Variants in GALNT9 observed in about 807,000 individuals in gnomAD.
GALNT9 encodes the protein polypeptide N-acetylgalactosaminyltransferase 9.
Under a neutral mutation model 63.1 loss-of-function variants are expected in GALNT9, and 47 were observed. The ratio of observed to expected loss-of-function variants is 0.75; its 90% CI spans 0.59 to 0.95. The LOEUF is 0.95. GALNT9 is among the 40% of genes least tolerant of loss of function. The pLI is 0.00. For synonymous variants in GALNT9, 396 were observed against 365.7 expected (o/e 1.08, Z -0.94); for missense variants, 829 against 874.8 (o/e 0.95, Z 0.66).
In GALNT9 at chr12:132,304,215, G is replaced by A. The variant is rs1377757709; in HGVS notation, c.239-17785C>T. 3.1e-4 allele frequency among the ~76,000 whole-genome samples: 11 copies of A among 35,952 alleles called. 4 individuals are homozygous for A. 23.6% of individuals were successfully genotyped at this position (35,952 alleles called of 152,430 possible). A position where few individuals can be genotyped will look rare whatever the true frequency, so the allele number is the denominator to read the frequency against. ...CCCTCACCCAGACACGCCCTCACCT[G>A]GGCACATCCTCACCGGGGCACACCC... On this transcript the variant is annotated intron_variant, in intron 1 of 10. Coordinates refer to ENST00000328957, the MANE Select transcript of GALNT9 (RefSeq NM_001122636.2).
intron 1 of GALNT9, among the ~76,000 whole-genome samples, chr12:132,322,934 C>T (rs1486102924): frequency 6.6e-6 from 1 of 152,206 alleles, no homozygotes; most frequent in Non-Finnish European, 1.5e-5. Flanking sequence ...CTGGCCGTCC[C>T]GTACGGGAAA....
intron 6 of GALNT9, among the ~76,000 whole-genome samples, chr12:132,235,353 T>G (rs1202170952): frequency 3.9e-5 from 6 of 152,012 alleles, no homozygotes; most frequent in Non-Finnish European, 7.4e-5. Context: ...TCAGGCAGCT[T>G]CCAAACAAAC....
rs144505095 is a variant in GALNT9 at position 132,204,215 on chromosome 12, C to T, written c.1078-525G>A. On this transcript the variant is annotated intron_variant, in intron 6 of 10. Coordinates refer to ENST00000328957, the MANE Select transcript of GALNT9 (RefSeq NM_001122636.2). ...GCCCCTGGCTTTCTGAACCCCCACG[C>T]GCAGCAGAAACGTGTTTGTCACTGC... Among the ~76,000 whole-genome samples, 161 of 152,348 alleles carry T rather than the reference C, an allele frequency of 1.1e-3. 1 individual carries two copies. The highest frequency in any genetic ancestry group is 3.2e-3 in the African/African-American group (135 of 41,580).
At chr12:132,288,660 G>A (rs569796906) in intron 1 of GALNT9, among the ~76,000 whole-genome samples, 168 of 147,442 alleles carry the variant, frequency 1.1e-3, no homozygotes, top group African/African-American at 3.9e-3. Context: ...GCGTGGTTCC[G>A]GACGGCTGCC....
At chr12:132,305,683 ACCTGGGTACATCCTCG>A (rs1352001735) in intron 1 of GALNT9, among the ~76,000 whole-genome samples, 2 of 150,984 alleles carry the variant, frequency 1.3e-5, no homozygotes, top group Non-Finnish European at 3.0e-5. Context: ...ACACACCCTC[ACCTGGGTACATCCTCG>A]CCTGGGCACA....
At chr12:132,272,256 C>A (rs1879898131) in intron 2 of GALNT9, among the ~76,000 whole-genome samples, 1 of 152,204 alleles carries the variant, frequency 6.6e-6, no homozygotes, top group African/African-American at 2.4e-5. Flanking sequence ...AGGGAAGCAC[C>A]CCCTCAACGG....
At chr12:132,215,936 C>T (rs2135516841) in intron 6 of GALNT9, among the ~76,000 whole-genome samples, 1 of 152,268 alleles carries the variant, frequency 6.6e-6, no homozygotes, top group South Asian at 2.1e-4. Context: ...GTCCCCCTCC[C>T]CAATCCCCTG....
chr12:132,216,053 TAGACAGAGAC>T (rs1301162224), intron 6 of GALNT9, among the ~76,000 whole-genome samples: 2 of 151,648 alleles, frequency 1.3e-5, no homozygotes, highest in Non-Finnish European at 2.9e-5. Flanking sequence ...CATCTAATGA[TAGACAGAGAC>T]ATAGAGAGAC....
chr12:132,243,623 C>T (rs1469894598), intron 6 of GALNT9, among the ~76,000 whole-genome samples: 1 of 152,220 alleles, frequency 6.6e-6, no homozygotes, highest in East Asian at 1.9e-4. Flanking sequence ...CTGTCATCCC[C>T]TCAAACTGCT....
chr12:132,266,623 G>A (rs949059352), intron 2 of GALNT9, among the ~76,000 whole-genome samples: 3 of 152,246 alleles, frequency 2.0e-5, no homozygotes, highest in Admixed American at 6.5e-5. Context: ...CTCTGGAGGG[G>A]CACAGCTCTG....
intron 1 of GALNT9, among the ~76,000 whole-genome samples, chr12:132,309,647 A>G (rs28622244): frequency 0.79 from 120,120 of 152,166 alleles, 47,620 homozygotes; most frequent in East Asian, 1. Context: ...TCCCCTGAGC[A>G]GGACAGGCCT....
intron 1 of GALNT9, among the ~76,000 whole-genome samples, chr12:132,303,121 G>A (rs142575506): frequency 7.2e-5 from 11 of 152,110 alleles, no homozygotes; most frequent in East Asian, 3.9e-4. Flanking sequence ...AGGACTAGCC[G>A]TCCCCATGCA....
chr12:132,326,468 C>G (rs36096440), intron 1 of GALNT9, among the ~76,000 whole-genome samples: 31,467 of 152,024 alleles, frequency 0.21, 3,352 homozygotes, highest in East Asian at 0.26. Flanking sequence ...TTGCCAAGGT[C>G]AATGGATATC....
chr12:132,212,158 A>ACCCGGGTCTGCAGCCCTCAGACCT (rs1717578437), intron 6 of GALNT9, among the ~76,000 whole-genome samples: 9 of 106,352 alleles, frequency 8.5e-5, no homozygotes, highest in Admixed American at 9.3e-5. Context: ...CCTTCACACC[A>ACCCGGGTCTGCAGCCCTCAGACCT]CGACACGGAA....
Position 132,327,730 on chromosome 12 carries a change from T to C in GALNT9, c.238+1236A>G, listed in dbSNP as rs1869096637. On this transcript the variant is annotated intron_variant, in intron 1 of 10. Coordinates refer to ENST00000328957, the MANE Select transcript of GALNT9 (RefSeq NM_001122636.2). The surrounding 1 kb of genome is among the most constrained non-coding windows in gnomAD (Gnocchi z 4.3). Reference sequence around the variant, plus strand: ...GCGGGAAAGTCAGGGATTCTGTGGGTGATGGGAAGGCGCTCAGGAAGTCAG... The same window carrying C: ...GCGGGAAAGTCAGGGATTCTGTGGGCGATGGGAAGGCGCTCAGGAAGTCAG... Among the ~76,000 whole-genome samples, 1 of 152,050 alleles carries C rather than the reference T, an allele frequency of 6.6e-6. No homozygotes were observed. The highest frequency in any genetic ancestry group is 1.5e-5 in the Non-Finnish European group (1 of 67,994).
At position 132,197,346 on chromosome 12, in the gene GALNT9, C is replaced by T. The variant is rs1042444399; in HGVS notation, c.1666-93G>A. On this transcript the variant is annotated intron_variant, in intron 10 of 10. Coordinates refer to ENST00000328957, the MANE Select transcript of GALNT9 (RefSeq NM_001122636.2). ...GAGGCTGCTTCGTGCTCTCAGCCCT[C>T]GTGCTCATTCTTGGGGCAGCTTGAA... The T allele has an allele frequency of 7.5e-5, 115 of 1,536,240 alleles. 1 individual carries two copies. Among genetic ancestry groups the T allele is most frequent in the Non-Finnish European group, 8.5e-5 (98 of 1,146,784 alleles).
intron 2 of GALNT9, chr12:132,277,925 TG>T (rs1485543869): frequency 6.6e-6 from 1 of 152,068 alleles, no homozygotes; most frequent in Non-Finnish European, 1.5e-5. Flanking sequence ...CTCCTCGTGT[TG>T]TTTATAAGCC....
chr12:132,272,287 G>A (rs1038075824), intron 2 of GALNT9, among the ~76,000 whole-genome samples: 12 of 152,218 alleles, frequency 7.9e-5, no homozygotes, highest in Admixed American at 5.2e-4. Context: ...GCAATGGTGC[G>A]GGGCGGGACA....
intron 1 of GALNT9, among the ~76,000 whole-genome samples, chr12:132,307,611 A>G (rs1881661047): frequency 6.6e-6 from 1 of 151,386 alleles, no homozygotes; most frequent in Admixed American, 6.6e-5. Context: ...AGGCGGGTGG[A>G]TCACCAGGTC....
Sources: gnomAD v4.1 joint callset for allele counts (sites outside exome capture counted in the v4.1 genomes callset) on GRCh38, gnomAD v4.1.1 for gene constraint, Gnocchi (gnomAD v3.1) non-coding constraint, MANE v1.5 for transcripts, NCBI Gene and HGNC (gene_info 2026-07-23, HGNC 2026-07-21) for gene names.